Variants in SGF29 observed in about 807,000 individuals in gnomAD.
SGF29 encodes SAGA-associated factor 29.
A neutral mutation model predicts 38.1 loss-of-function variants in SGF29; 15 were observed. The ratio of observed to expected loss-of-function variants is 0.39; its 90% CI spans 0.26 to 0.61. The LOEUF is 0.61. Ranked by LOEUF, SGF29 falls within the 20% of genes least tolerant of loss-of-function variation. SGF29 has a pLI of 0.49. For synonymous variants in SGF29, 151 were observed against 160.8 expected (o/e 0.94, Z 0.46); for missense variants, 184 against 394.6 (o/e 0.47, Z 4.52).
intron 1 of SGF29, 101 bp downstream of exon 1, chr16:28,554,198 C>G (rs1434209832): frequency 6.7e-6 from 1 of 150,088 alleles, no homozygotes; most frequent in Non-Finnish European, 1.5e-5. Flanking sequence ...CCTGAGGCGG[C>G]GCTCTAGGGG....
At position 28,590,457 on chromosome 16, in the gene SGF29, C is replaced by A. The variant is rs1163685881; in HGVS notation, c.566+15C>A. The A allele has an allele frequency of 1.2e-6, 2 of 1,613,928 alleles. No individual in the cohort carries two copies. The highest frequency in any genetic ancestry group is 8.5e-7 in the Non-Finnish European group (1 of 1,179,844). On this transcript the variant is annotated intron_variant, in intron 7 of 9. Transcript: ENST00000317058. This position sits in a 1 kb window ranked among gnomAD's most constrained non-coding sequence, Gnocchi z 8.2. Reference sequence around the variant, plus strand: ...GCCACCAACAAGTGAGTGACACCAACCCTGGGGCTGCTCTCTGGTCACCGA... The same window carrying A: ...GCCACCAACAAGTGAGTGACACCAAACCTGGGGCTGCTCTCTGGTCACCGA...
chr16:28,580,916 A>G (rs2046921161), intron 1 of SGF29, 139 bp from the exon 2 acceptor site: 1 of 656,380 alleles, frequency 1.5e-6, no homozygotes, highest in Non-Finnish European at 2.7e-6. Context: ...CCTGGCCTCA[A>G]GCAATCCTCC....
chr16:28,561,876 C>T (rs1378207181), intron 1 of SGF29, among the ~76,000 whole-genome samples: 1 of 152,212 alleles, frequency 6.6e-6, no homozygotes, highest in Non-Finnish European at 1.5e-5. Flanking sequence ...TTGCTTTGCA[C>T]CAGCAGGCTT....
At chr16:28,554,230 G>A (rs2046730534) in intron 1 of SGF29, 133 bp downstream of exon 1, 1 of 151,978 alleles carries the variant, frequency 6.6e-6, no homozygotes. Context: ...CGCTCTGGGC[G>A]GGAGGGGGGC....
chr16:28,556,700 T>C (rs367985291), intron 1 of SGF29, among the ~76,000 whole-genome samples: 2 of 151,852 alleles, frequency 1.3e-5, no homozygotes, highest in East Asian at 1.9e-4. Context: ...GGCTGGAGCC[T>C]AGTGGTGCCA....
rs144232274 is a variant in SGF29, at chr16:28,572,705, G to T, written c.-15-8350G>T. 1.2e-3 allele frequency among the ~76,000 whole-genome samples: 178 copies of T among 152,320 alleles called. 1 individual carries two copies. Among genetic ancestry groups the T allele is most frequent in the African/African-American group, 3.9e-3 (162 of 41,570 alleles). ...AGAAGGGAAAGGGCTTTGCAGGTAG[G>T]AGTGGGCAGGCAGCAAGATCGTGTG... On this transcript the variant is annotated intron_variant, in intron 1 of 9. Coordinates refer to ENST00000317058, the MANE Select transcript of SGF29 (RefSeq NM_138414.3).
intron 1 of SGF29, among the ~76,000 whole-genome samples, chr16:28,563,540 AT>A (rs1222814612): frequency 6.6e-6 from 1 of 152,012 alleles, no homozygotes; most frequent in African/African-American, 2.4e-5. Flanking sequence ...GATACACACC[AT>A]TTTTTCTTGT....
At position 28,564,784 on chromosome 16, in the gene SGF29, T is replaced by C. The variant is rs865829834; in HGVS notation, c.-16+10687T>C. Among the ~76,000 whole-genome samples the C allele has an allele frequency of 8.3e-3, 978 of 118,080 alleles. 13 individuals are homozygous for C. The highest frequency in any genetic ancestry group is 0.011 in the Non-Finnish European group (638 of 57,424). The allele number at this position is 118,080 out of a possible 152,430, so 77.5% of individuals were successfully genotyped here. ...ATATGTATATATATGTATATATATA[T>C]ATACACACACACACACACACACAAA... is the stretch of plus-strand genomic sequence containing the variant. On this transcript the variant is annotated intron_variant, in intron 1 of 9. Transcript: ENST00000317058.
At position 28,590,410 on chromosome 16, in the gene SGF29, C is replaced by T. The variant is rs1210888767; in HGVS notation, c.534C>T (p.Ala178=). The T allele has an allele frequency of 1.2e-5, 19 of 1,613,924 alleles. No individual in the cohort carries two copies. Among genetic ancestry groups the T allele is most frequent in the Non-Finnish European group, 1.4e-5 (17 of 1,179,844 alleles). The change falls in exon 7 of 10, where the codon GCC becomes GCT. Residue 178 remains alanine (A), a synonymous_variant. Transcript: ENST00000317058. The surrounding 1 kb of genome is among the most constrained non-coding windows in gnomAD (Gnocchi z 8.2). ...AVDGDEQWIL[A]EVVSYSHATN... ...ATGGGGACGAGCAGTGGATCCTGGC[C>T]GAGGTGGTCAGTTACAGCCATGCCA...
intron 1 of SGF29, among the ~76,000 whole-genome samples, chr16:28,566,195 A>G (rs990404381): frequency 2.0e-5 from 3 of 151,040 alleles, no homozygotes; most frequent in Non-Finnish European, 4.4e-5. Context: ...AATGGCATGA[A>G]CCCGGGAGGC....
chr16:28,563,162 G>A (rs528554946), intron 1 of SGF29, among the ~76,000 whole-genome samples: 1 of 152,156 alleles, frequency 6.6e-6, no homozygotes, highest in African/African-American at 2.4e-5. Context: ...TGGAAACAGG[G>A]GTGACCAGAG....
At chr16:28,563,077 G>A (rs761487918) in intron 1 of SGF29, among the ~76,000 whole-genome samples, 7 of 152,054 alleles carry the variant, frequency 4.6e-5, no homozygotes, top group Admixed American at 2.0e-4. Flanking sequence ...ACTTGAGGTT[G>A]TTGGGATTTG....
chr16:28,589,322 G>C, intron 5 of SGF29, 158 bp downstream of exon 5: 1 of 688,398 alleles, frequency 1.5e-6, no homozygotes. Context: ...GAAGGGACAG[G>C]AGGTCATTCC....
chr16:28,564,752 T>C (rs1270175503), intron 1 of SGF29, among the ~76,000 whole-genome samples: 10 of 74,526 alleles, frequency 1.3e-4, no homozygotes, highest in African/African-American at 4.7e-4. Flanking sequence ...TATGTATATA[T>C]ATGTATATAT....
rs193122728 is a variant in SGF29, at chr16:28,582,056, T to G, written c.75+912T>G. On this transcript the variant is annotated intron_variant, in intron 2 of 9. Transcript: ENST00000317058. ...CATTTTGCCCACGATACTCAGGGTT[T>G]ATAGCTACACAAGGATCAGTTTGCT... Among the ~76,000 whole-genome samples, 3 of 152,290 alleles carry G rather than the reference T, an allele frequency of 2.0e-5. No homozygotes were observed. The East Asian group carries it at 5.8e-4, about 29-fold the overall frequency.
intron 1 of SGF29, among the ~76,000 whole-genome samples, chr16:28,556,719 C>T (rs2046754836): frequency 6.6e-6 from 1 of 152,060 alleles, no homozygotes. Flanking sequence ...CATTATAGCT[C>T]ATTATTCCCA....
chr16:28,558,999 C>T lies in SGF29; in HGVS notation c.-16+4902C>T, dbSNP rs1395287763. Among the ~76,000 whole-genome samples, 6 of 152,126 alleles carry T rather than the reference C, an allele frequency of 3.9e-5. No homozygotes were observed. The East Asian group carries it at 7.7e-4, about 20-fold the overall frequency. On this transcript the variant is annotated intron_variant, in intron 1 of 9. Coordinates refer to ENST00000317058, the MANE Select transcript of SGF29 (RefSeq NM_138414.3). The stretch of plus-strand genomic sequence containing the variant: ...GATATTTGCACAACCTTGTGACTAA[C>T]ATAACACTGAATTGCACACTTTAAA...
chr16:28,555,625 C>A (rs2046745878), intron 1 of SGF29, among the ~76,000 whole-genome samples: 1 of 152,160 alleles, frequency 6.6e-6, no homozygotes, highest in Non-Finnish European at 1.5e-5. Flanking sequence ...CTGAGAAGTC[C>A]CGAGATTTGC....
At position 28,590,608 on chromosome 16, in the gene SGF29, C is replaced by A; in HGVS notation, c.567-23C>A. 6.2e-7 allele frequency: 1 copy of A among 1,613,308 alleles called. No homozygotes were observed. Among genetic ancestry groups the A allele is most frequent in the Non-Finnish European group, 8.5e-7 (1 of 1,179,942 alleles). On this transcript the variant is annotated intron_variant, in intron 7 of 9. Transcript: ENST00000317058. The surrounding 1 kb of genome is among the most constrained non-coding windows in gnomAD (Gnocchi z 8.2). ...GTACTGCGCCCCTGGCTGCATCCAG[C>A]CTTTTCCTCCTTTTGTCTGCAGGTA...
Sources: allele counts gnomAD v4.1 joint callset (sites outside exome capture counted in the v4.1 genomes callset), GRCh38; gene constraint gnomAD v4.1.1; non-coding constraint Gnocchi (gnomAD v3.1); transcripts MANE v1.5; gene names NCBI Gene and HGNC (gene_info 2026-07-23, HGNC 2026-07-21).